COL4A4: variants seen among roughly 807,000 people sequenced by gnomAD.
The protein encoded by COL4A4 is collagen alpha-4(IV) chain.
Under a neutral mutation model 192.9 loss-of-function variants are expected in COL4A4, and 105 were observed. That is an observed-to-expected ratio of 0.54 (90% confidence interval 0.46 to 0.64). The LOEUF is 0.64. Among genes scored for constraint, COL4A4 ranks in the 30% least tolerant of loss-of-function variants. The probability of loss-of-function intolerance (pLI) is 0.00; values close to 1 mark genes in which losing one functional copy is unlikely to be tolerated. For synonymous variants in COL4A4, 762 were observed against 769.9 expected, an observed-to-expected ratio of 0.99 and a Z score of 0.17; for missense variants, 1,967 against 2,169.3, an observed-to-expected ratio of 0.91 and a Z score of 1.85.
chr2:227,104,336 C>T (rs1405318064), intron 12 of COL4A4, among the ~76,000 whole-genome samples: 5 of 149,298 alleles, frequency 3.3e-5, no homozygotes, highest in African/African-American at 7.4e-5. Context: ...TTTGGGAGGC[C>T]GAGGTGGGTG....
At chr2:227,160,217 G>T (rs1036440641) in intron 1 of COL4A4, among the ~76,000 whole-genome samples, 6 of 152,228 alleles carry the variant, frequency 3.9e-5, no homozygotes. Flanking sequence ...TGTGAAATCA[G>T]TTGTGAAGTT....
rs976979535 is a variant in COL4A4 at position 227,003,837 on chromosome 2, CAAA to C, written c.*3485_*3487del. ...CTGAAATTTCTGTTTATAGAAAAAACAAAAATCTATTTTTGGAGGGGTGTGATA... is the reference window on the plus strand; with the variant it reads ...CTGAAATTTCTGTTTATAGAAAAAACAATCTATTTTTGGAGGGGTGTGATA... On this transcript the variant is annotated 3_prime_UTR_variant, in exon 48 of 48. Coordinates refer to ENST00000396625, the MANE Select transcript of COL4A4 (RefSeq NM_000092.5). 5 of 152,032 alleles carry C rather than the reference CAAA, an allele frequency of 3.3e-5. No homozygotes were observed. Among genetic ancestry groups the C allele is most frequent in the Admixed American group, 2.0e-4 (3 of 15,264 alleles). The allele number at this position is 152,032 out of a possible 1,614,324, so 9.4% of individuals were successfully genotyped here.
downstream of COL4A4, chr2:226,997,792 T>C (rs969234755): frequency 2.0e-5 from 3 of 152,234 alleles, no homozygotes; most frequent in Non-Finnish European, 2.9e-5. Flanking sequence ...ATTTTAGTTA[T>C]AAATGTAAAC....
At chr2:227,089,747 T>C in intron 21 of COL4A4, 121 bp downstream of exon 21, 1 of 790,806 alleles carries the variant, frequency 1.3e-6, no homozygotes, top group Non-Finnish European at 2.2e-6. Context: ...TGGAGTACTC[T>C]AGTGGGTGAC....
chr2:227,120,620 A>G (rs1309523159), intron 5 of COL4A4, among the ~76,000 whole-genome samples: 1 of 152,128 alleles, frequency 6.6e-6, no homozygotes, highest in Non-Finnish European at 1.5e-5. Flanking sequence ...ATAAGGTTCA[A>G]GTATATACTA....
intron 32 of COL4A4, among the ~76,000 whole-genome samples, chr2:227,051,661 T>A (rs370883629): frequency 6.6e-6 from 1 of 152,190 alleles, no homozygotes; most frequent in African/African-American, 2.4e-5. Context: ...TAACAAGCTC[T>A]CCAGGTGATT....
Position 227,003,794 on chromosome 2 carries a change from ATC to A in COL4A4, c.*3529_*3530del, listed in dbSNP as rs1390461006. ...TTTACTGAAGGGTCTTCTCAGTCGG[ATC>A]TCTCAAATCTCATTTCTGAAATTTC... On this transcript the variant is annotated 3_prime_UTR_variant, in exon 48 of 48. Transcript: ENST00000396625. 6.6e-6 allele frequency: 1 copy of A among 152,210 alleles called. No homozygotes were observed. Among genetic ancestry groups the A allele is most frequent in the Non-Finnish European group, 1.5e-5 (1 of 68,036 alleles). The allele number at this position is 152,210 out of a possible 1,614,324, so 9.4% of individuals were successfully genotyped here.
intron 5 of COL4A4, among the ~76,000 whole-genome samples, chr2:227,120,494 A>G (rs1179897919): frequency 2.0e-5 from 3 of 152,182 alleles, no homozygotes; most frequent in East Asian, 1.9e-4. Flanking sequence ...ATGAAACAAT[A>G]TAACTTCTCA....
chr2:227,117,489 C>G (rs1448709066), intron 7 of COL4A4, among the ~76,000 whole-genome samples: 3 of 152,034 alleles, frequency 2.0e-5, no homozygotes, highest in Non-Finnish European at 4.4e-5. Flanking sequence ...ATGGAAAATT[C>G]TTTTTGAGTT....
intron 22 of COL4A4, among the ~76,000 whole-genome samples, chr2:227,086,741 G>C (rs113318411): frequency 1.3e-5 from 2 of 152,106 alleles, no homozygotes; most frequent in Admixed American, 6.5e-5. Flanking sequence ...ACAGGAAGCC[G>C]CAAAAATATT....
At chr2:227,145,023 A>C (rs1392805399) in intron 2 of COL4A4, among the ~76,000 whole-genome samples, 1 of 152,206 alleles carries the variant, frequency 6.6e-6, no homozygotes, top group Non-Finnish European at 1.5e-5. Context: ...GGTTTGGAGA[A>C]AAAAGGAAAT....
In COL4A4 at chr2:227,094,143, C is replaced by T. The variant is rs1381210450; in HGVS notation, c.1351G>A (p.Gly451Ser). Residue 451 changes from glycine (G) to serine (S), a missense_variant, in exon 20 of 48, where the codon GGC becomes AGC. Transcript: ENST00000396625. ...PGLPGAPGLQ[G>S]LPGSSVIYCS... The stretch of plus-strand genomic sequence containing the variant: ...ACTTTACCACTTGATCCTGGGAGGC[C>T]CTGCAGGCCTGGTGCTCCAGGCAAG... 2 of 1,613,576 alleles carry T rather than the reference C, an allele frequency of 1.2e-6. No homozygotes were observed. Among genetic ancestry groups the T allele is most frequent in the Non-Finnish European group, 1.7e-6 (2 of 1,179,790 alleles).
chr2:226,991,403 A>G, the COL4A4 span, among the ~76,000 whole-genome samples: 5 of 152,096 alleles, frequency 3.3e-5, no homozygotes, highest in Non-Finnish European at 5.9e-5. Flanking sequence ...GATGGTCTCA[A>G]TCTCCTGACC....
Position 227,012,281 on chromosome 2 carries a change from A to G in COL4A4, c.4233T>C (p.Pro1411=). 2 of 1,614,058 alleles carry G rather than the reference A, an allele frequency of 1.2e-6. No homozygotes were observed. Among genetic ancestry groups the G allele is most frequent in the Non-Finnish European group, 8.5e-7 (1 of 1,179,964 alleles). ...GPSGPGCKGE[P]GLDGRRGVDG... is the part of the protein sequence containing the mutation. The stretch of plus-strand genomic sequence containing the variant: ...CCACACCCCTCCTGCCATCCAGCCC[A>G]GGCTCTCCTTTGCACCCTGCACAAA... The change falls in exon 45 of 48, where the codon CCT becomes CCC. Residue 1411 remains proline (P), a synonymous_variant. Transcript: ENST00000396625.
At chr2:227,046,858 G>C (rs1972984919) in intron 35 of COL4A4, among the ~76,000 whole-genome samples, 1 of 151,992 alleles carries the variant, frequency 6.6e-6, no homozygotes, top group Non-Finnish European at 1.5e-5. Flanking sequence ...GAACTCAATG[G>C]TGCATCACAA....
chr2:227,161,050 TC>T (rs1352854971), intron 1 of COL4A4, among the ~76,000 whole-genome samples: 2 of 152,202 alleles, frequency 1.3e-5, no homozygotes, highest in Non-Finnish European at 2.9e-5. Context: ...TAGAGGCTCG[TC>T]CCTCTACAAT....
intron 21 of COL4A4, among the ~76,000 whole-genome samples, chr2:227,089,470 T>C (rs895600343): frequency 3.3e-5 from 5 of 151,504 alleles, no homozygotes; most frequent in South Asian, 2.1e-4. Flanking sequence ...CTGGGAAATA[T>C]AGGTCCCACA....
At chr2:227,071,578 C>T (rs963553045) in intron 25 of COL4A4, among the ~76,000 whole-genome samples, 6 of 152,072 alleles carry the variant, frequency 3.9e-5, no homozygotes, top group Non-Finnish European at 7.4e-5. Context: ...AACATTCTAC[C>T]CAAGATCTGC....
chr2:227,022,146 T>G lies in COL4A4; in HGVS notation c.4118A>C (p.Asp1373Ala), dbSNP rs1326928157. The G allele has an allele frequency of 1.2e-6, 2 of 1,614,146 alleles. No homozygotes were observed. Among genetic ancestry groups the G allele is most frequent in the Non-Finnish European group, 1.7e-6 (2 of 1,180,024 alleles). ...RGEPGPPADV[D>A]DCPRIPGLPG... ...AAGGCCTGGGATTCGGGGACAGTCA[T>G]CCACATCTGCAGGTGGCCCCGGTTC... The change falls in exon 44 of 48, where the codon GAT (aspartate) becomes GCT (alanine). Residue 1373 changes from aspartate to alanine, a missense_variant. Physicochemically the swap from Asp to Ala is moderately radical, Grantham distance 126. Transcript: ENST00000396625.
Sources: gnomAD v4.1 joint callset for allele counts (sites outside exome capture counted in the v4.1 genomes callset) on GRCh38, gnomAD v4.1.1 for gene constraint, MANE v1.5 for transcripts, NCBI Gene and HGNC (gene_info 2026-07-23, HGNC 2026-07-21) for gene names.